Variants in NFIA observed in about 807,000 individuals in gnomAD.
The protein encoded by NFIA is nuclear factor 1 A-type.
In NFIA, 8 loss-of-function variants were observed where a neutral mutation model predicts 62.8. That is an observed-to-expected ratio of 0.13 (90% CI 0.07 to 0.23). NFIA has a LOEUF of 0.23. NFIA is among the 10% of genes least tolerant of loss of function. NFIA has a pLI of 1.00. For missense variants in NFIA, 410 were observed against 642.1 expected (o/e 0.64, Z 3.91); for synonymous variants, 235 against 238.1 (o/e 0.99, Z 0.12).
intron 2 of NFIA, among the ~76,000 whole-genome samples, chr1:61,190,167 C>G (rs1651521746): frequency 6.6e-6 from 1 of 152,116 alleles, no homozygotes. Flanking sequence ...TACTATTTCC[C>G]CCCATGTTTT....
Position 61,155,189 on chromosome 1 carries a change from A to G in NFIA, c.559+66509A>G, listed in dbSNP as rs145373037. ...ATTCATGATCATTTTTATCAAGAATATAATTGAAATATATTTCTGAGCGTT... is the reference window on the plus strand; with the variant it reads ...ATTCATGATCATTTTTATCAAGAATGTAATTGAAATATATTTCTGAGCGTT... On this transcript the variant is annotated intron_variant, in intron 2 of 10. Transcript: ENST00000403491. Among the ~76,000 whole-genome samples, 1,326 of 152,360 alleles carry G rather than the reference A, an allele frequency of 8.7e-3. 15 individuals carry two copies. The highest frequency in any genetic ancestry group is 0.058 in the Middle Eastern group (17 of 294).
intron 2 of NFIA, among the ~76,000 whole-genome samples, chr1:61,107,527 G>A (rs1174212640): frequency 6.6e-6 from 1 of 151,142 alleles, no homozygotes; most frequent in East Asian, 1.9e-4. Context: ...ATTGCTTATT[G>A]TTTACTTATT....
chr1:61,171,810 T>C (rs1288875531), intron 2 of NFIA, among the ~76,000 whole-genome samples: 1 of 152,204 alleles, frequency 6.6e-6, no homozygotes, highest in East Asian at 1.9e-4. Context: ...TTATAGGAAC[T>C]GTGTGCTTGC....
intron 3 of NFIA, among the ~76,000 whole-genome samples, chr1:61,292,354 C>A (rs942431792): frequency 6.6e-6 from 1 of 152,080 alleles, no homozygotes; most frequent in Non-Finnish European, 1.5e-5. Context: ...ATGAATGAAT[C>A]TTGTGTTCAG....
In NFIA at chr1:61,374,632, C is replaced by T. The variant is rs183864364; in HGVS notation, c.947-8605C>T. 6.0e-4 allele frequency among the ~76,000 whole-genome samples: 92 copies of T among 152,182 alleles called. No individual in the cohort carries two copies. In the East Asian group the frequency reaches 0.012, roughly 20 times the overall value. On this transcript the variant is annotated intron_variant, in intron 6 of 10. Coordinates refer to ENST00000403491, the MANE Select transcript of NFIA (RefSeq NM_001134673.4). ...ATCGTTTCTTTCCCCCTGAATAATC[C>T]ATGTAATTTTTACTCCATACTCCCA...
intron 1 of NFIA, among the ~76,000 whole-genome samples, chr1:61,086,488 A>G (rs1461720743): frequency 2.0e-5 from 3 of 152,086 alleles, no homozygotes; most frequent in Non-Finnish European, 4.4e-5. Context: ...TTCTCTCTCT[A>G]CTTAAAGAAT....
chr1:61,303,868 C>A (rs1659616936), intron 3 of NFIA, among the ~76,000 whole-genome samples: 1 of 152,152 alleles, frequency 6.6e-6, no homozygotes, highest in African/African-American at 2.4e-5. Context: ...TTTCCAGGAA[C>A]TGAGAATAGG....
intron 6 of NFIA, among the ~76,000 whole-genome samples, chr1:61,372,887 T>C (rs146326171): frequency 6.6e-6 from 1 of 152,256 alleles, no homozygotes; most frequent in African/African-American, 2.4e-5. Context: ...GGTTTTCTTA[T>C]AAGGAATGGG....
chr1:61,377,222 C>CAAAAA (rs112943071), intron 6 of NFIA, among the ~76,000 whole-genome samples: 11,754 of 150,028 alleles, frequency 0.078, 508 homozygotes, highest in Middle Eastern at 0.12. Context: ...GACTCCATCT[C>CAAAAA]AAAAAAAAGA....
At chr1:61,112,610 T>G (rs1646716821) in intron 2 of NFIA, among the ~76,000 whole-genome samples, 2 of 152,200 alleles carry the variant, frequency 1.3e-5, no homozygotes, top group Admixed American at 1.3e-4. Flanking sequence ...ACCCAGATCT[T>G]ATATGTGTGA....
At position 61,197,708 on chromosome 1, in the gene NFIA, G is replaced by A. The variant is rs548342176; in HGVS notation, c.560-79812G>A. Among the ~76,000 whole-genome samples, 19 of 152,038 alleles carry A rather than the reference G, an allele frequency of 1.2e-4. 1 individual carries two copies. In the East Asian group the frequency reaches 1.8e-3, roughly 14 times the overall value. ...TAGAAACAGCAGACGTAGGCATGGC[G>A]CGGTGGCTCATGCCTGTAATCCCAG... On this transcript the variant is annotated intron_variant, in intron 2 of 10. Transcript: ENST00000403491.
intron 4 of NFIA, among the ~76,000 whole-genome samples, chr1:61,338,058 T>C (rs1210801917): frequency 6.6e-6 from 1 of 152,202 alleles, no homozygotes; most frequent in Non-Finnish European, 1.5e-5. Flanking sequence ...GGCTCTAATT[T>C]TCTAGCGGCG....
intron 10 of NFIA, among the ~76,000 whole-genome samples, chr1:61,453,474 CTTT>C (rs1569922463): frequency 1.4e-5 from 1 of 72,736 alleles, no homozygotes; most frequent in Non-Finnish European, 2.9e-5. Context: ...TTTTGCTTTG[CTTT>C]TTAAGAGAAG....
chr1:61,134,143 T>A (rs1340655196), intron 2 of NFIA, among the ~76,000 whole-genome samples: 2 of 152,010 alleles, frequency 1.3e-5, no homozygotes, highest in East Asian at 3.9e-4. Flanking sequence ...TAATAGTATC[T>A]GCTCTCCTTG....
chr1:61,345,669 T>G (rs1303472983), intron 4 of NFIA, among the ~76,000 whole-genome samples: 17 of 152,224 alleles, frequency 1.1e-4, no homozygotes, highest in African/African-American at 4.1e-4. Context: ...GCAAACCCTA[T>G]TGTGAACTGC....
intron 4 of NFIA, among the ~76,000 whole-genome samples, chr1:61,350,368 T>C (rs1011164757): frequency 6.6e-6 from 1 of 152,174 alleles, no homozygotes; most frequent in African/African-American, 2.4e-5. Flanking sequence ...TGTTGGCTCA[T>C]GCTTGTAATC....
At chr1:61,291,168 C>T (rs1658857754) in intron 3 of NFIA, among the ~76,000 whole-genome samples, 1 of 152,136 alleles carries the variant, frequency 6.6e-6, no homozygotes, top group Non-Finnish European at 1.5e-5. Context: ...TAGGAATAGC[C>T]AGTCAAGACT....
intron 2 of NFIA, among the ~76,000 whole-genome samples, chr1:61,233,070 G>C (rs868638325): frequency 6.6e-6 from 1 of 152,042 alleles, no homozygotes; most frequent in Non-Finnish European, 1.5e-5. Flanking sequence ...CTGGACTCTG[G>C]AGCACTGCTT....
At chr1:61,123,443 A>G (rs1646920527) in intron 2 of NFIA, among the ~76,000 whole-genome samples, 1 of 152,252 alleles carries the variant, frequency 6.6e-6, no homozygotes, top group African/African-American at 2.4e-5. Flanking sequence ...TATAGGTGAA[A>G]GAATTTCAAG....
Sources: gnomAD v4.1 joint callset for allele counts (sites outside exome capture counted in the v4.1 genomes callset) on GRCh38, gnomAD v4.1.1 for gene constraint, MANE v1.5 for transcripts, NCBI Gene and HGNC (gene_info 2026-07-23, HGNC 2026-07-21) for gene names.